SSH2: variants seen among roughly 807,000 people sequenced by gnomAD.
The protein encoded by SSH2 is slingshot protein phosphatase 2, also known as protein phosphatase Slingshot homolog 2.
SSH2 carries 37 observed loss-of-function variants against 135.2 expected under a neutral mutation model. The ratio of observed to expected loss-of-function variants is 0.27; its 90% CI spans 0.21 to 0.36. The LOEUF is 0.36. SSH2 is among the 10% of genes least tolerant of loss of function. The pLI is 1.00. For missense variants in SSH2, 1,408 were observed against 1,765.3 expected, an observed-to-expected ratio of 0.80 and a Z score of 3.63; for synonymous variants, 628 against 646.2, an observed-to-expected ratio of 0.97 and a Z score of 0.43.
At chr17:29,868,380 T>C (rs899194239) in intron 1 of SSH2, among the ~76,000 whole-genome samples, 4 of 152,076 alleles carry the variant, frequency 2.6e-5, no homozygotes, top group Admixed American at 6.6e-5. Flanking sequence ...GCCAACACCA[T>C]AGGGAGGTTG....
chr17:29,695,491 T>C lies in SSH2; in HGVS notation c.325A>G (p.Ile109Val), dbSNP rs1315961913. 2 of 1,612,890 alleles carry C rather than the reference T, an allele frequency of 1.2e-6. No individual in the cohort carries two copies. The highest frequency in any genetic ancestry group is 1.7e-6 in the Non-Finnish European group (2 of 1,179,554). The stretch of plus-strand genomic sequence containing the variant: ...ATGTTGTCTTCTGGGCGGAGTAAAA[T>C]GAACATTGCTTGGAGATGCTGTTGG... Reference protein sequence around the residue: ...DLQQHLQAMFILLRPEDNIRL... With the variant: ...DLQQHLQAMFVLLRPEDNIRL... The change falls in exon 5 of 16, where the codon ATT becomes GTT. Residue 109 changes from isoleucine (I) to valine (V), a missense_variant. Ile to Val is a conservative substitution (Grantham distance 29, BLOSUM62 3). Around this residue, in one of 3 missense-constraint regions of SSH2, gnomAD observed 222 missense variants for 355.6 expected, o/e 0.62. Coordinates refer to ENST00000540801, the MANE Select transcript of SSH2 (RefSeq NM_001282129.2).
At chr17:29,705,878 G>C (rs1014295359) in intron 3 of SSH2, among the ~76,000 whole-genome samples, 10 of 152,010 alleles carry the variant, frequency 6.6e-5, no homozygotes, top group African/African-American at 2.2e-4. Flanking sequence ...GTTCTGTTTT[G>C]TTTCCTTCAG....
intron 1 of SSH2, among the ~76,000 whole-genome samples, chr17:29,860,926 A>G (rs1276833645): frequency 6.6e-6 from 1 of 150,578 alleles, no homozygotes; most frequent in Non-Finnish European, 1.5e-5. Flanking sequence ...TTGTATTTTT[A>G]GTAGAGACAG....
intron 2 of SSH2, among the ~76,000 whole-genome samples, chr17:29,794,824 C>T (rs781273741): frequency 2.3e-4 from 35 of 152,180 alleles, no homozygotes; most frequent in Non-Finnish European, 4.4e-4. Context: ...AAAAGCTTAT[C>T]ATTTACCTCT....
intron 3 of SSH2, among the ~76,000 whole-genome samples, chr17:29,773,925 C>T (rs975813094): frequency 2.6e-5 from 4 of 152,232 alleles, no homozygotes; most frequent in African/African-American, 9.6e-5. Context: ...CTGCCTTGGC[C>T]TCCCAAAGTG....
intron 11 of SSH2, among the ~76,000 whole-genome samples, chr17:29,664,766 T>A (rs1207610371): frequency 6.6e-6 from 1 of 152,124 alleles, no homozygotes; most frequent in African/African-American, 2.4e-5. Flanking sequence ...GCATTTGTAG[T>A]TGATTAGAGA....
rs9913978 is a variant in SSH2, at chr17:29,822,904, A to G, written c.144+25945T>C. 8.0e-3 allele frequency among the ~76,000 whole-genome samples: 1,223 copies of G among 152,296 alleles called. 13 individuals carry two copies. Among genetic ancestry groups the G allele is most frequent in the African/African-American group, 0.028 (1,162 of 41,540 alleles). On this transcript the variant is annotated intron_variant, in intron 2 of 15. Coordinates refer to ENST00000540801, the MANE Select transcript of SSH2 (RefSeq NM_001282129.2). ...TGCTGTGGTGTCAGTATTAGTGGTG[A>G]ACTGAAAATTTTGTTTACAAAACTC...
chr17:29,913,205 C>T (rs1379526320), intron 1 of SSH2, among the ~76,000 whole-genome samples: 1 of 147,200 alleles, frequency 6.8e-6, no homozygotes, highest in Non-Finnish European at 1.5e-5. Flanking sequence ...GTAATCCCAG[C>T]CACTTGGGAG....
intron 1 of SSH2, among the ~76,000 whole-genome samples, chr17:29,928,125 T>C (rs1189031544): frequency 6.6e-6 from 1 of 152,242 alleles, no homozygotes; most frequent in Non-Finnish European, 1.5e-5. Context: ...TACTGATTTC[T>C]AGTTTATTTG....
At chr17:29,839,358 A>G (rs2043000753) in intron 2 of SSH2, among the ~76,000 whole-genome samples, 1 of 152,216 alleles carries the variant, frequency 6.6e-6, no homozygotes, top group African/African-American at 2.4e-5. Context: ...CCAGAGCAAA[A>G]GTTGGGCAAA....
intron 1 of SSH2, among the ~76,000 whole-genome samples, chr17:29,866,723 G>C (rs1172798273): frequency 1.3e-5 from 2 of 152,088 alleles, no homozygotes; most frequent in East Asian, 1.9e-4. Context: ...TAGAGAGGCT[G>C]GTTTCTCTCT....
intron 6 of SSH2, among the ~76,000 whole-genome samples, chr17:29,683,151 C>T (rs550666831): frequency 6.6e-6 from 1 of 152,200 alleles, no homozygotes; most frequent in East Asian, 1.9e-4. Flanking sequence ...CCCTAGCTAC[C>T]CCATAGTTCC....
intron 3 of SSH2, among the ~76,000 whole-genome samples, chr17:29,754,787 C>A (rs1057113463): frequency 9.2e-5 from 14 of 152,180 alleles, no homozygotes; most frequent in Non-Finnish European, 1.8e-4. Flanking sequence ...CCACCTCAGC[C>A]TCCCAAGTAG....
At chr17:29,773,319 C>A (rs2041628280) in intron 3 of SSH2, among the ~76,000 whole-genome samples, 1 of 152,108 alleles carries the variant, frequency 6.6e-6, no homozygotes, top group Non-Finnish European at 1.5e-5. Context: ...GGGTCCTATT[C>A]CTTGTCATTA....
intron 11 of SSH2, among the ~76,000 whole-genome samples, chr17:29,657,130 C>A (rs760276035): frequency 1.3e-5 from 2 of 152,102 alleles, no homozygotes; most frequent in African/African-American, 4.8e-5. Context: ...CCATGCCCAG[C>A]TGATTTTTGT....
chr17:29,795,846 A>G (rs2042147124), intron 2 of SSH2, among the ~76,000 whole-genome samples: 1 of 151,960 alleles, frequency 6.6e-6, no homozygotes, highest in Non-Finnish European at 1.5e-5. Context: ...GGATAAAGCA[A>G]TTCTCCAGTC....
chr17:29,786,242 T>A (rs899711260), intron 3 of SSH2, among the ~76,000 whole-genome samples: 1 of 152,226 alleles, frequency 6.6e-6, no homozygotes, highest in African/African-American at 2.4e-5. Context: ...GACCAAATAG[T>A]GAGACAAACA....
intron 3 of SSH2, among the ~76,000 whole-genome samples, chr17:29,788,269 C>T (rs535676938): frequency 6.6e-6 from 1 of 152,198 alleles, no homozygotes; most frequent in Admixed American, 6.5e-5. Context: ...AGCAGACTGT[C>T]CTCTCCAGTG....
intron 4 of SSH2, among the ~76,000 whole-genome samples, chr17:29,699,978 A>G (rs1326676155): frequency 1.3e-5 from 2 of 152,142 alleles, no homozygotes; most frequent in East Asian, 3.9e-4. Flanking sequence ...TAGGAGGAAA[A>G]TATTGTCCAA....
Sources: allele counts gnomAD v4.1 joint callset (sites outside exome capture counted in the v4.1 genomes callset), GRCh38; gene constraint gnomAD v4.1.1; regional missense constraint gnomAD v4.1.1; transcripts MANE v1.5; gene names NCBI Gene and HGNC (gene_info 2026-07-23, HGNC 2026-07-21).